The following NTF3 variants were observed in gnomAD, a reference collection of about 807,000 sequenced individuals.
NTF3 encodes neurotrophin 3.
In NTF3, 8 loss-of-function variants were observed where a neutral mutation model predicts 26.3. That is an observed-to-expected ratio of 0.30 (90% CI 0.18 to 0.55). The LOEUF (loss-of-function observed/expected upper bound fraction) is 0.55, where lower values mean the gene tolerates loss of function less well. Ranked by LOEUF, NTF3 falls within the 20% of genes least tolerant of loss-of-function variation. The pLI is 0.93. For missense variants in NTF3, 276 were observed against 352.9 expected (o/e 0.78, Z 1.75); for synonymous variants, 154 against 145.5 (o/e 1.06, Z -0.42).
intron 1 of NTF3, among the ~76,000 whole-genome samples, chr12:5,462,524 G>T (rs1940537557): frequency 6.6e-6 from 1 of 152,168 alleles, no homozygotes; most frequent in African/African-American, 2.4e-5. Context: ...AGTACCTGGT[G>T]CATTGTAAGC....
At chr12:5,457,088 A>G (rs1237931502) in intron 1 of NTF3, among the ~76,000 whole-genome samples, 1 of 152,238 alleles carries the variant, frequency 6.6e-6, no homozygotes, top group African/African-American at 2.4e-5. Flanking sequence ...AAACGAGAAC[A>G]GAGAGGAAAC....
chr12:5,458,126 A>G (rs1940476245), intron 1 of NTF3, among the ~76,000 whole-genome samples: 2 of 152,018 alleles, frequency 1.3e-5, no homozygotes, highest in South Asian at 4.2e-4. Context: ...TACCCCATGC[A>G]CCAGCCATCC....
Position 5,494,142 on chromosome 12 carries a change from A to T in NTF3, c.19-52A>T. On this transcript the variant is annotated intron_variant, in intron 1 of 1. Transcript: ENST00000423158. The surrounding 1 kb of genome is among the most constrained non-coding windows in gnomAD (Gnocchi z 8.3). ...GCCTCAGGTAGCTGGTGCCAGAATA[A>T]CACAGACTCAGCTGCCAGAGCCTGC... is the stretch of plus-strand genomic sequence containing the variant. The T allele has an allele frequency of 6.4e-7, 1 of 1,564,034 alleles. No individual in the cohort carries two copies. The highest frequency in any genetic ancestry group is 8.7e-7 in the Non-Finnish European group (1 of 1,151,644).
chr12:5,489,542 G>T (rs1030053191), intron 1 of NTF3, among the ~76,000 whole-genome samples: 6 of 152,204 alleles, frequency 3.9e-5, no homozygotes, highest in African/African-American at 1.4e-4. Flanking sequence ...CTTCAGGATG[G>T]TTGTTACTAG....
At chr12:5,481,181 G>C (rs575451189) in intron 1 of NTF3, among the ~76,000 whole-genome samples, 3 of 152,106 alleles carry the variant, frequency 2.0e-5, no homozygotes, top group Non-Finnish European at 4.4e-5. Flanking sequence ...GATTTACTCC[G>C]GTTCCTGCCC....
In NTF3 at chr12:5,432,217, C is replaced by T; in HGVS notation, c.-108C>T. ...TCCTTTCTTTCTTCCTCTCCTTTTTCCCCTGCTGGGTAGTGGCTGCGGCGG... is the reference window on the plus strand; with the variant it reads ...TCCTTTCTTTCTTCCTCTCCTTTTTTCCCTGCTGGGTAGTGGCTGCGGCGG... On this transcript the variant is annotated 5_prime_UTR_variant, in exon 1 of 2. Coordinates refer to ENST00000423158, the MANE Select transcript of NTF3 (RefSeq NM_001102654.2). The T allele has an allele frequency of 8.0e-7, 1 of 1,252,338 alleles. No individual in the cohort carries two copies. The highest frequency in any genetic ancestry group is 1.2e-6 in the Non-Finnish European group (1 of 853,678). The allele number at this position is 1,252,338 out of a possible 1,614,324, so 77.6% of individuals were successfully genotyped here.
rs1275951441 is a variant in NTF3 at position 5,456,107 on chromosome 12, G to A, written c.18+23765G>A. 5.9e-5 allele frequency among the ~76,000 whole-genome samples: 9 copies of A among 152,270 alleles called. No individual in the cohort carries two copies. The East Asian group carries it at 1.5e-3, about 26-fold the overall frequency. ...TCCAGTCAATGGTGGGCTGTCAGTCGTCAGCTGAGGTTGAGCTTTCCTTAG... is the reference window on the plus strand; with the variant it reads ...TCCAGTCAATGGTGGGCTGTCAGTCATCAGCTGAGGTTGAGCTTTCCTTAG... On this transcript the variant is annotated intron_variant, in intron 1 of 1. Coordinates refer to ENST00000423158, the MANE Select transcript of NTF3 (RefSeq NM_001102654.2). This position sits in a 1 kb window ranked among gnomAD's most constrained non-coding sequence, Gnocchi z 4.4.
At chr12:5,491,782 T>C (rs925126730) in intron 1 of NTF3, among the ~76,000 whole-genome samples, 2 of 143,382 alleles carry the variant, frequency 1.4e-5, no homozygotes, top group African/African-American at 5.2e-5. Context: ...TGCAGTGGCG[T>C]GATGTTGGCT....
chr12:5,488,464 T>G (rs1450847216), intron 1 of NTF3, among the ~76,000 whole-genome samples: 1 of 152,182 alleles, frequency 6.6e-6, no homozygotes, highest in Non-Finnish European at 1.5e-5. Context: ...CCAGGATCTC[T>G]CTCTCCCAGC....
At chr12:5,478,017 A>G (rs1216730203) in intron 1 of NTF3, among the ~76,000 whole-genome samples, 2 of 152,220 alleles carry the variant, frequency 1.3e-5, no homozygotes, top group Non-Finnish European at 2.9e-5. Flanking sequence ...TTCATTATAA[A>G]ATGTTAATGT....
intron 1 of NTF3, among the ~76,000 whole-genome samples, chr12:5,435,889 C>A (rs543785026): frequency 6.6e-6 from 1 of 152,034 alleles, no homozygotes; most frequent in Non-Finnish European, 1.5e-5. Context: ...AGAAAACTAG[C>A]GAGGTGGATA....
intron 1 of NTF3, among the ~76,000 whole-genome samples, chr12:5,454,729 C>T (rs1940416064): frequency 6.6e-6 from 1 of 152,202 alleles, no homozygotes; most frequent in South Asian, 2.1e-4. Context: ...GCTCTTCCAA[C>T]AATTTGGGAA....
At chr12:5,431,697 T>A (rs917639229), upstream of NTF3, among the ~76,000 whole-genome samples, 1 of 151,556 alleles carries the variant, frequency 6.6e-6, no homozygotes, top group Admixed American at 6.6e-5. Flanking sequence ...GTAAAGAAAA[T>A]CTTGAAAGAA....
chr12:5,465,097 G>A (rs184867487), intron 1 of NTF3, among the ~76,000 whole-genome samples: 2 of 152,294 alleles, frequency 1.3e-5, no homozygotes, highest in Admixed American at 1.3e-4. Context: ...GAGGCTCAGA[G>A]AGGTGAATCC....
chr12:5,434,837 G>A (rs1464304426), intron 1 of NTF3, among the ~76,000 whole-genome samples: 1 of 151,990 alleles, frequency 6.6e-6, no homozygotes, highest in Non-Finnish European at 1.5e-5. Context: ...TGTGTGGGGG[G>A]TGGGGGAAGA....
chr12:5,475,243 C>G (rs781005516), intron 1 of NTF3, among the ~76,000 whole-genome samples: 1 of 151,946 alleles, frequency 6.6e-6, no homozygotes, highest in Non-Finnish European at 1.5e-5. Flanking sequence ...AGAGAGGTGC[C>G]GTCTGGAGGA....
intron 1 of NTF3, among the ~76,000 whole-genome samples, chr12:5,440,453 G>A (rs985938657): frequency 1.3e-5 from 2 of 152,118 alleles, no homozygotes; most frequent in African/African-American, 2.4e-5. Context: ...ATCCCTCAGG[G>A]AGTTTGTTTC....
chr12:5,435,049 G>A (rs1474793281), intron 1 of NTF3, among the ~76,000 whole-genome samples: 1 of 152,196 alleles, frequency 6.6e-6, no homozygotes, highest in Non-Finnish European at 1.5e-5. Flanking sequence ...GAGAATTGGA[G>A]GAGGCTTAGA....
intron 1 of NTF3, among the ~76,000 whole-genome samples, chr12:5,484,020 T>C (rs1424625696): frequency 2.0e-5 from 3 of 152,152 alleles, no homozygotes; most frequent in Non-Finnish European, 4.4e-5. Flanking sequence ...AGACATGCTG[T>C]GTTGGTCAGG....
Sources: allele counts gnomAD v4.1 joint callset (sites outside exome capture counted in the v4.1 genomes callset), GRCh38; gene constraint gnomAD v4.1.1; non-coding constraint Gnocchi (gnomAD v3.1); transcripts MANE v1.5; gene names NCBI Gene and HGNC (gene_info 2026-07-23, HGNC 2026-07-21).